CORO2B: variants seen among roughly 807,000 people sequenced by gnomAD.
CORO2B encodes coronin 2B.
CORO2B carries 26 observed loss-of-function variants against 58.8 expected under a neutral mutation model. The ratio of observed to expected loss-of-function variants is 0.44; its 90% confidence interval spans 0.32 to 0.61. The LOEUF (loss-of-function observed/expected upper bound fraction) is 0.61, where lower values mean the gene tolerates loss of function less well. Among genes scored for constraint, CORO2B ranks in the 20% least tolerant of loss-of-function variants. CORO2B has a pLI of 0.04. For synonymous variants in CORO2B, 242 were observed against 253.8 expected (o/e 0.95, Z 0.44); for missense variants, 460 against 645.1 (o/e 0.71, Z 3.11).
chr15:68,546,038 G>A, the CORO2B span, among the ~76,000 whole-genome samples: 1 of 152,156 alleles, frequency 6.6e-6, no homozygotes, highest in Non-Finnish European at 1.5e-5. Context: ...ACTCATTGTG[G>A]AGGGCAGAAA....
intron 3 of CORO2B, among the ~76,000 whole-genome samples, chr15:68,705,436 C>CAAAAAAAAAAAAAAAAAA (rs35973911): frequency 8.9e-6 from 1 of 112,818 alleles, no homozygotes; most frequent in African/African-American, 3.6e-5. Context: ...AACTCTATCT[C>CAAAAAAAAAAAAAAAAAA]AAAAAAAAAA....
intron 2 of CORO2B, among the ~76,000 whole-genome samples, chr15:68,684,585 G>A (rs1384518376): frequency 2.6e-5 from 4 of 152,240 alleles, no homozygotes; most frequent in African/African-American, 9.6e-5. Context: ...AGTGGAGCAG[G>A]CAGCACTTTG....
intron 2 of CORO2B, among the ~76,000 whole-genome samples, chr15:68,666,680 G>A (rs763845277): frequency 1.3e-5 from 2 of 152,104 alleles, no homozygotes; most frequent in Non-Finnish European, 2.9e-5. Context: ...GGCACTGGGG[G>A]TTGGGGTGTT....
intron 1 of CORO2B, among the ~76,000 whole-genome samples, chr15:68,609,445 T>A (rs957864480): frequency 6.6e-6 from 1 of 152,148 alleles, no homozygotes; most frequent in East Asian, 1.9e-4. Flanking sequence ...GGGCATCAGT[T>A]TGTGGTCCAC....
At chr15:68,630,717 A>C (rs1286002185) in intron 1 of CORO2B, among the ~76,000 whole-genome samples, 3 of 152,122 alleles carry the variant, frequency 2.0e-5, no homozygotes, top group African/African-American at 7.2e-5. Context: ...AGGAGGTCCT[A>C]GGTTTGGTCG....
intron 2 of CORO2B, among the ~76,000 whole-genome samples, chr15:68,668,962 C>T (rs2140293518): frequency 6.6e-6 from 1 of 152,042 alleles, no homozygotes; most frequent in East Asian, 1.9e-4. Flanking sequence ...CCTGTAATCC[C>T]AACTACTCGG....
chr15:68,627,627 C>T (rs192120525), intron 1 of CORO2B, among the ~76,000 whole-genome samples: 1 of 152,234 alleles, frequency 6.6e-6, no homozygotes, highest in Non-Finnish European at 1.5e-5. Context: ...GTGAGAGGCA[C>T]TGTGACAAAT....
chr15:68,525,107 A>G, the CORO2B span, among the ~76,000 whole-genome samples: 1 of 152,220 alleles, frequency 6.6e-6, no homozygotes, highest in African/African-American at 2.4e-5. Context: ...ACTCTCAGAC[A>G]GGCAGCTTAA....
the CORO2B span, among the ~76,000 whole-genome samples, chr15:68,552,918 C>A: frequency 6.6e-6 from 1 of 152,236 alleles, no homozygotes; most frequent in African/African-American, 2.4e-5. Flanking sequence ...CTCAGAGCTG[C>A]GCTTCCTGCT....
At chr15:68,528,346 T>A in the CORO2B span, among the ~76,000 whole-genome samples, 2 of 152,196 alleles carry the variant, frequency 1.3e-5, no homozygotes, top group Non-Finnish European at 2.9e-5. Context: ...ATTTTAATGA[T>A]AAATTACCAC....
chr15:68,564,854 G>A, the CORO2B span, among the ~76,000 whole-genome samples: 1 of 152,156 alleles, frequency 6.6e-6, no homozygotes, highest in Non-Finnish European at 1.5e-5. Context: ...CAAGTTTTCT[G>A]TTGAAAATAT....
At chr15:68,702,682 A>G (rs1295708869) in intron 3 of CORO2B, among the ~76,000 whole-genome samples, 1 of 152,112 alleles carries the variant, frequency 6.6e-6, no homozygotes, top group Non-Finnish European at 1.5e-5. Flanking sequence ...GAGACATCAC[A>G]GTTACTGTGC....
chr15:68,545,018 G>T, the CORO2B span, among the ~76,000 whole-genome samples: 2 of 152,022 alleles, frequency 1.3e-5, no homozygotes, highest in East Asian at 1.9e-4. Flanking sequence ...CTCGTGATCC[G>T]CCCACCTCGC....
intron 1 of CORO2B, among the ~76,000 whole-genome samples, chr15:68,619,118 C>T (rs1434167145): frequency 6.6e-6 from 1 of 152,128 alleles, no homozygotes; most frequent in Non-Finnish European, 1.5e-5. Flanking sequence ...GCTCATATAT[C>T]ACATACTGAT....
rs113249272 is a variant in CORO2B, at chr15:68,702,821, C to CTTTTT, written c.333+7584_333+7588dup. Among the ~76,000 whole-genome samples, 176 of 96,222 alleles carry CTTTTT rather than the reference C, an allele frequency of 1.8e-3. 1 individual carries two copies. The highest frequency in any genetic ancestry group is 2.6e-3 in the African/African-American group (58 of 22,138). The allele number at this position is 96,222 out of a possible 152,430, so 63.1% of individuals were successfully genotyped here. On this transcript the variant is annotated intron_variant, in intron 3 of 11. Coordinates refer to ENST00000261861, the MANE Select transcript of CORO2B (RefSeq NM_006091.5). ...ACCATATCTTTTTCTTTTTCTTTTTCTTTTTTTTTTTTTTTTTTTTTTTGA... is the reference window on the plus strand; with the variant it reads ...ACCATATCTTTTTCTTTTTCTTTTTCTTTTTTTTTTTTTTTTTTTTTTTTTTTTGA...
intron 2 of CORO2B, among the ~76,000 whole-genome samples, chr15:68,682,816 A>T (rs1409624695): frequency 6.6e-6 from 1 of 152,178 alleles, no homozygotes; most frequent in Non-Finnish European, 1.5e-5. Context: ...CTGCTGTAGC[A>T]GTGCTTTAGT....
intron 2 of CORO2B, among the ~76,000 whole-genome samples, chr15:68,671,946 G>C (rs927603463): frequency 6.6e-6 from 1 of 152,192 alleles, no homozygotes; most frequent in Admixed American, 6.5e-5. Flanking sequence ...ACAGGGAAAG[G>C]TGTGTTCTAA....
chr15:68,592,193 G>A (rs1336253296), intron 1 of CORO2B, among the ~76,000 whole-genome samples: 1 of 152,166 alleles, frequency 6.6e-6, no homozygotes, highest in Admixed American at 6.5e-5. Flanking sequence ...GGAGGTTAAG[G>A]ACCAGAGTTT....
intron 2 of CORO2B, among the ~76,000 whole-genome samples, chr15:68,648,670 AAG>A (rs1370773738): frequency 6.6e-6 from 1 of 152,180 alleles, no homozygotes; most frequent in Non-Finnish European, 1.5e-5. Flanking sequence ...AAGAGAGAGA[AAG>A]AGAGAGAGAA....
Sources: allele counts gnomAD v4.1 joint callset (sites outside exome capture counted in the v4.1 genomes callset), GRCh38; gene constraint gnomAD v4.1.1; transcripts MANE v1.5; gene names NCBI Gene and HGNC (gene_info 2026-07-23, HGNC 2026-07-21).